CEP112: variants seen among roughly 807,000 people sequenced by gnomAD.
CEP112 encodes the protein centrosomal protein of 112 kDa.
Under a neutral mutation model 153.0 loss-of-function variants are expected in CEP112, and 127 were observed. The ratio of observed to expected loss-of-function variants is 0.83; its 90% confidence interval spans 0.72 to 0.96. The LOEUF is 0.96. CEP112 is among the 40% of genes least tolerant of loss of function. The pLI, the probability that CEP112 is intolerant of heterozygous loss-of-function variation, is 0.00. For missense variants in CEP112, 1,089 were observed against 1,101.2 expected (o/e 0.99, Z 0.16); for synonymous variants, 358 against 374.4 (o/e 0.96, Z 0.51).
intron 21 of CEP112, among the ~76,000 whole-genome samples, chr17:65,783,543 T>C (rs1042066879): frequency 3.9e-5 from 6 of 152,230 alleles, no homozygotes; most frequent in Admixed American, 6.5e-5. Context: ...AATTCAAATG[T>C]ACATCAACCA....
intron 19 of CEP112, among the ~76,000 whole-genome samples, chr17:65,913,027 T>C (rs1389671647): frequency 1.3e-5 from 2 of 152,236 alleles, no homozygotes; most frequent in South Asian, 2.1e-4. Flanking sequence ...ATTAGACTCA[T>C]GATGTTAAGA....
chr17:66,088,644 T>TC (rs1485573935), intron 8 of CEP112, among the ~76,000 whole-genome samples: 1 of 152,112 alleles, frequency 6.6e-6, no homozygotes, highest in African/African-American at 2.4e-5. Flanking sequence ...AGACTCCAGG[T>TC]CGGCCACTGG....
intron 21 of CEP112, among the ~76,000 whole-genome samples, chr17:65,841,659 T>G (rs1192915730): frequency 6.6e-6 from 1 of 152,028 alleles, no homozygotes; most frequent in Non-Finnish European, 1.5e-5. Flanking sequence ...GAAATCTCCT[T>G]AACAGAAAGA....
rs762792100 is a variant in CEP112 at position 66,183,249 on chromosome 17, A to C, written c.51T>G (p.Phe17Leu). The C allele has an allele frequency of 6.2e-6, 10 of 1,612,954 alleles. No individual in the cohort carries two copies. The highest frequency in any genetic ancestry group is 8.5e-6 in the Non-Finnish European group (10 of 1,179,484). The change falls in exon 2 of 27, where the codon TTT becomes TTG. Residue 17 changes from phenylalanine to leucine, a missense_variant. Coordinates refer to ENST00000535342, the MANE Select transcript of CEP112 (RefSeq NM_001199165.4). ...EEKWEKLDAE[F>L]DHFVVDMKPF... is the part of the protein sequence containing the mutation. ...GCTTCATATCAACCACAAAGTGATC[A>C]AATTCTGCATCCAGCTTCTCCCATT... is the stretch of plus-strand genomic sequence containing the variant.
At chr17:65,838,338 T>C (rs2057398491) in intron 21 of CEP112, among the ~76,000 whole-genome samples, 1 of 152,016 alleles carries the variant, frequency 6.6e-6, no homozygotes, top group African/African-American at 2.4e-5. Flanking sequence ...TAGCAATTAA[T>C]AACAGAAGGA....
At chr17:65,956,145 T>C (rs1318842066) in intron 18 of CEP112, among the ~76,000 whole-genome samples, 1 of 152,026 alleles carries the variant, frequency 6.6e-6, no homozygotes, top group Admixed American at 6.6e-5. Flanking sequence ...TTATATCAAA[T>C]ACTGGTGGGA....
intron 8 of CEP112, among the ~76,000 whole-genome samples, chr17:66,070,966 A>C (rs2067289324): frequency 6.6e-6 from 1 of 152,172 alleles, no homozygotes; most frequent in South Asian, 2.1e-4. Flanking sequence ...ATTCAATAAA[A>C]TAATTTAAAT....
intron 23 of CEP112, among the ~76,000 whole-genome samples, chr17:65,695,612 A>C (rs978990891): frequency 1.3e-5 from 2 of 152,256 alleles, no homozygotes; most frequent in African/African-American, 4.8e-5. Context: ...TCAATTATAA[A>C]GTGGTTAAAA....
chr17:65,703,189 C>A (rs1239863726), intron 23 of CEP112, among the ~76,000 whole-genome samples: 1 of 152,136 alleles, frequency 6.6e-6, no homozygotes, highest in Admixed American at 6.6e-5. Context: ...AACAGCTTTA[C>A]TGACTTTCAC....
intron 6 of CEP112, among the ~76,000 whole-genome samples, chr17:66,101,781 A>T (rs944040062): frequency 6.6e-6 from 1 of 152,092 alleles, no homozygotes; most frequent in Non-Finnish European, 1.5e-5. Context: ...CTGGAAAAAA[A>T]TGCTTTTTAA....
intron 24 of CEP112, among the ~76,000 whole-genome samples, chr17:65,664,914 T>C (rs527361984): frequency 1.3e-5 from 2 of 152,250 alleles, no homozygotes; most frequent in Admixed American, 6.5e-5. Flanking sequence ...TGGTCTGGTT[T>C]AGGTGAGGGC....
At chr17:65,951,627 A>G (rs1013856623) in intron 18 of CEP112, among the ~76,000 whole-genome samples, 4 of 152,074 alleles carry the variant, frequency 2.6e-5, no homozygotes, top group South Asian at 4.1e-4. Context: ...ATGGTTTGTC[A>G]ATCATGCTAA....
chr17:66,155,941 C>T (rs187603384), intron 4 of CEP112, among the ~76,000 whole-genome samples: 7 of 152,194 alleles, frequency 4.6e-5, no homozygotes, highest in East Asian at 1.9e-4. Flanking sequence ...GGGGAAGGGG[C>T]GGCTGTGGGC....
chr17:66,022,413 A>G (rs1310812406), intron 16 of CEP112, among the ~76,000 whole-genome samples: 2 of 152,150 alleles, frequency 1.3e-5, no homozygotes, highest in Admixed American at 1.3e-4. Context: ...AAAATTTTTG[A>G]AATGCTAGAT....
chr17:66,158,365 C>A (rs570173543), intron 4 of CEP112, among the ~76,000 whole-genome samples: 3 of 152,232 alleles, frequency 2.0e-5, no homozygotes, highest in African/African-American at 7.2e-5. Flanking sequence ...GTAATCCCAG[C>A]ACTTTGGGAG....
chr17:66,108,453 G>C (rs1286413303), intron 6 of CEP112, among the ~76,000 whole-genome samples: 1 of 152,084 alleles, frequency 6.6e-6, no homozygotes, highest in Non-Finnish European at 1.5e-5. Context: ...ATGGGCAAAA[G>C]ATCTGAATAG....
chr17:66,001,679 C>T (rs532611359), intron 17 of CEP112, among the ~76,000 whole-genome samples: 71 of 152,174 alleles, frequency 4.7e-4, no homozygotes, highest in Middle Eastern at 3.4e-3. Context: ...ATTATGTTTA[C>T]AGCACCAAAA....
intron 12 of CEP112, among the ~76,000 whole-genome samples, chr17:66,044,720 T>C (rs1168487764): frequency 6.6e-6 from 1 of 152,226 alleles, no homozygotes. Flanking sequence ...TGGAGAATTA[T>C]TGTTTACTGG....
intron 21 of CEP112, among the ~76,000 whole-genome samples, chr17:65,769,258 A>T (rs958799540): frequency 2.6e-5 from 4 of 152,104 alleles, no homozygotes; most frequent in African/African-American, 9.7e-5. Context: ...ACATTAATAA[A>T]AGAAATTGAA....
Sources: gnomAD v4.1 joint callset for allele counts (sites outside exome capture counted in the v4.1 genomes callset) on GRCh38, gnomAD v4.1.1 for gene constraint, MANE v1.5 for transcripts, NCBI Gene and HGNC (gene_info 2026-07-23, HGNC 2026-07-21) for gene names.